SDK2: variants seen among roughly 807,000 people sequenced by gnomAD.
SDK2 encodes the protein protein sidekick-2.
A neutral mutation model predicts 253.9 loss-of-function variants in SDK2; 105 were observed. That is an observed-to-expected ratio of 0.41 (90% CI 0.35 to 0.49). SDK2 has a LOEUF of 0.49. Ranked by LOEUF, SDK2 falls within the 20% of genes least tolerant of loss-of-function variation. SDK2 has a pLI of 0.06. For synonymous variants in SDK2, 1,249 were observed against 1,234.9 expected (o/e 1.01, Z -0.24); for missense variants, 2,608 against 3,003.0 (o/e 0.87, Z 3.07).
chr17:73,423,325 G>A, intron 14 of SDK2, 61 bp downstream of exon 14: 1 of 1,323,010 alleles, frequency 7.6e-7, no homozygotes, highest in Non-Finnish European at 9.8e-7. Flanking sequence ...CCCCAGCCCA[G>A]GGCTGACTCC....
In SDK2 at chr17:73,533,850, G is replaced by A. The variant is rs2064191067; in HGVS notation, c.65-26253C>T. Among the ~76,000 whole-genome samples the A allele has an allele frequency of 6.6e-5, 10 of 152,188 alleles. 1 individual carries two copies. The South Asian group carries it at 2.1e-3, about 32-fold the overall frequency. ...CTTTGAGACTCTGCCCCCAAAGAAGGGTCATTATTGCTAATGCCTTTTCTC... is the reference window on the plus strand; with the variant it reads ...CTTTGAGACTCTGCCCCCAAAGAAGAGTCATTATTGCTAATGCCTTTTCTC... On this transcript the variant is annotated intron_variant, in intron 1 of 44. Coordinates refer to ENST00000392650, the MANE Select transcript of SDK2 (RefSeq NM_001144952.2).
chr17:73,348,790 G>A (rs2062508818), intron 43 of SDK2, 65 bp from the exon 44 acceptor site: 1 of 1,411,862 alleles, frequency 7.1e-7, no homozygotes, highest in Non-Finnish European at 9.8e-7. Flanking sequence ...CCTGGCCTAG[G>A]GAGACCACAG....
Position 73,384,028 on chromosome 17 carries a change from G to A in SDK2, c.4570-17C>T. ...TGCTGGCGGCTGCAGGAAGGGAGTA[G>A]GGCATGGGGAGGGCACCTGGACCAC... On this transcript the variant is annotated splice_polypyrimidine_tract_variant and intron_variant, in intron 32 of 44. Transcript: ENST00000392650. 1 of 1,611,480 alleles carries A rather than the reference G, an allele frequency of 6.2e-7. No homozygotes were observed. The highest frequency in any genetic ancestry group is 8.5e-7 in the Non-Finnish European group (1 of 1,178,782).
chr17:73,424,140 T>C, intron 12 of SDK2, 48 bp from the exon 13 acceptor site: 1 of 1,521,856 alleles, frequency 6.6e-7, no homozygotes, highest in South Asian at 1.2e-5. Context: ...GAAGGTACCT[T>C]GGGAGTGGGC....
At chr17:73,633,022 C>T (rs765786656) in intron 1 of SDK2, among the ~76,000 whole-genome samples, 1 of 152,114 alleles carries the variant, frequency 6.6e-6, no homozygotes, top group Non-Finnish European at 1.5e-5. Context: ...GTGGCTCACA[C>T]CTGAAACCAC....
At chr17:73,614,830 CGGAG>C (rs983450219) in intron 1 of SDK2, among the ~76,000 whole-genome samples, 1 of 36,904 alleles carries the variant, frequency 2.7e-5, no homozygotes, top group African/African-American at 1.4e-4. Flanking sequence ...ATTGAAAAGG[CGGAG>C]GGAGGGAGGG....
At position 73,433,033 on chromosome 17, in the gene SDK2, C is replaced by T. The variant is rs117028282; in HGVS notation, c.1312+699G>A. On this transcript the variant is annotated intron_variant, in intron 10 of 44. Transcript: ENST00000392650. ...GCCTGGGGTAGGAGACTGGCAGCAG[C>T]CACCACTAGAATAATATTCATCATC... Among the ~76,000 whole-genome samples the T allele has an allele frequency of 1.8e-4, 27 of 152,188 alleles. 1 individual carries two copies. In the East Asian group the frequency reaches 5.0e-3, roughly 28 times the overall value.
At chr17:73,380,800 C>A in intron 34 of SDK2, 94 bp downstream of exon 34, 1 of 1,155,662 alleles carries the variant, frequency 8.7e-7, no homozygotes, top group Non-Finnish European at 1.3e-6. Context: ...GGGCACACCC[C>A]CTCAACCTGT....
rs142741753 is a variant in SDK2, at chr17:73,584,375, C to T, written c.64+59650G>A. On this transcript the variant is annotated intron_variant, in intron 1 of 44. Coordinates refer to ENST00000392650, the MANE Select transcript of SDK2 (RefSeq NM_001144952.2). ...GCTTTTCCAATAAGGTTGTTGCTGT[C>T]GGTAGAAAAGGGCTGGGTGAGGGTC... Among the ~76,000 whole-genome samples, 9 of 152,302 alleles carry T rather than the reference C, an allele frequency of 5.9e-5. No homozygotes were observed. The East Asian group carries it at 1.2e-3, about 20-fold the overall frequency.
At chr17:73,414,837 AGGGGTG>A in intron 17 of SDK2, 78 bp from the exon 18 acceptor site, 1 of 881,180 alleles carries the variant, frequency 1.1e-6, no homozygotes, top group Non-Finnish European at 1.9e-6. Flanking sequence ...GAGAAAACGC[AGGGGTG>A]GGGGCTATAG....
At chr17:73,444,134 G>T (rs1199723489) in intron 5 of SDK2, among the ~76,000 whole-genome samples, 1 of 152,196 alleles carries the variant, frequency 6.6e-6, no homozygotes. Flanking sequence ...GCCTGCCTGT[G>T]CAGGGAAGAG....
chr17:73,392,084 G>T (rs1303460857), intron 27 of SDK2, among the ~76,000 whole-genome samples: 1 of 152,112 alleles, frequency 6.6e-6, no homozygotes, highest in African/African-American at 2.4e-5. Context: ...GGTAGGCTAT[G>T]CACCCCTGGC....
intron 1 of SDK2, among the ~76,000 whole-genome samples, chr17:73,545,157 T>C (rs2044940374): frequency 7.1e-6 from 1 of 140,842 alleles, no homozygotes; most frequent in South Asian, 2.2e-4. Context: ...AAGGCCACCT[T>C]GGGGGCTGTG....
chr17:73,564,894 A>G (rs28457076), intron 1 of SDK2, among the ~76,000 whole-genome samples: 59,527 of 151,716 alleles, frequency 0.39, 12,942 homozygotes, highest in African/African-American at 0.6. Flanking sequence ...GCATCTGGTA[A>G]GGGTGGAGTG....
intron 1 of SDK2, chr17:73,513,752 T>C (rs373543070): frequency 1.8e-4 from 27 of 152,192 alleles, no homozygotes; most frequent in African/African-American, 5.5e-4. Context: ...CAGAATTCTG[T>C]GCAGCAGACG....
chr17:73,498,409 C>T (rs1026858771), intron 2 of SDK2, among the ~76,000 whole-genome samples: 3 of 152,222 alleles, frequency 2.0e-5, no homozygotes, highest in African/African-American at 2.4e-5. Flanking sequence ...CCTCTAGCTC[C>T]AGTGAGAACA....
chr17:73,542,629 G>A (rs1257214628), intron 1 of SDK2, among the ~76,000 whole-genome samples: 2 of 152,288 alleles, frequency 1.3e-5, no homozygotes, highest in Admixed American at 1.3e-4. Context: ...GCAGGATTAT[G>A]AGGCAGCAAG....
chr17:73,373,789 G>A (rs1216628023), intron 36 of SDK2, among the ~76,000 whole-genome samples: 2 of 151,856 alleles, frequency 1.3e-5, no homozygotes, highest in Admixed American at 6.6e-5. Flanking sequence ...GGTGCCTGCC[G>A]CCATGGCCAG....
At chr17:73,615,773 AAC>A (rs576588030) in intron 1 of SDK2, among the ~76,000 whole-genome samples, 3 of 152,104 alleles carry the variant, frequency 2.0e-5, no homozygotes, top group Admixed American at 6.6e-5. Context: ...TGAAATAAGC[AAC>A]ACACACACAC....
Sources: gnomAD v4.1 joint callset for allele counts (sites outside exome capture counted in the v4.1 genomes callset) on GRCh38, gnomAD v4.1.1 for gene constraint, MANE v1.5 for transcripts, NCBI Gene and HGNC (gene_info 2026-07-23, HGNC 2026-07-21) for gene names.